Variants in CUL2 observed in about 807,000 individuals in gnomAD.
CUL2 encodes the protein cullin-2.
CUL2 carries 22 observed loss-of-function variants against 110.2 expected under a neutral mutation model. That is an observed-to-expected ratio of 0.20 (90% CI 0.14 to 0.28). CUL2 has a LOEUF of 0.28. Among genes scored for constraint, CUL2 ranks in the 10% least tolerant of loss-of-function variants. The pLI is 1.00. For synonymous variants in CUL2, 279 were observed against 293.2 expected (o/e 0.95, Z 0.49); for missense variants, 631 against 905.5 (o/e 0.70, Z 3.89).
At chr10:35,093,000 A>G (rs1462367266), upstream of CUL2, among the ~76,000 whole-genome samples, 2 of 151,976 alleles carry the variant, frequency 1.3e-5, no homozygotes, top group African/African-American at 2.4e-5. Flanking sequence ...ACAACTTTAG[A>G]TTGCTTTTTG....
intron 9 of CUL2, among the ~76,000 whole-genome samples, chr10:35,035,538 G>T (rs963476055): frequency 6.6e-6 from 1 of 152,064 alleles, no homozygotes; most frequent in Non-Finnish European, 1.5e-5. Flanking sequence ...TCTTCCCTTT[G>T]CCCCTTTTAA....
At chr10:35,041,682 C>G (rs1057441477) in intron 8 of CUL2, among the ~76,000 whole-genome samples, 13 of 152,126 alleles carry the variant, frequency 8.5e-5, no homozygotes, top group Non-Finnish European at 4.4e-5. Flanking sequence ...GACCAGACGA[C>G]TACACCACCA....
At chr10:35,100,349 G>A (rs1360263118) in intron 2 of CUL2, among the ~76,000 whole-genome samples, 1 of 152,102 alleles carries the variant, frequency 6.6e-6, no homozygotes, top group Non-Finnish European at 1.5e-5. Context: ...CATGTAACAA[G>A]TTACTCACTT....
At chr10:35,028,537 A>G (rs1395442461) in intron 16 of CUL2, among the ~76,000 whole-genome samples, 3 of 152,228 alleles carry the variant, frequency 2.0e-5, no homozygotes, top group African/African-American at 7.2e-5. Context: ...ACATTTTTAT[A>G]ATTTAAAACT....
In CUL2 at chr10:35,071,275, T is replaced by C; in HGVS notation, c.43A>G (p.Asn15Asp). ...GCTTTTATTGTCGTCAAAAGTTTGT[T>C]CCATGTTTCATCAAAATCTACTACT... ...PRVVDFDETW[N>D]KLLTTIKAVV... Residue 15 changes from asparagine (N) to aspartate (D), a missense_variant, in exon 2 of 21, where the codon AAC becomes GAC. By Grantham distance (23) the Asn-to-Asp change is conservative. Coordinates refer to ENST00000374749, the MANE Select transcript of CUL2 (RefSeq NM_003591.4). 6.2e-7 allele frequency: 1 copy of C among 1,614,042 alleles called. No individual in the cohort carries two copies. Among genetic ancestry groups the C allele is most frequent in the South Asian group, 1.1e-5 (1 of 91,084 alleles).
chr10:35,010,740 A>T (rs1003444463), intron 20 of CUL2, among the ~76,000 whole-genome samples: 4 of 152,236 alleles, frequency 2.6e-5, no homozygotes, highest in African/African-American at 9.6e-5. Flanking sequence ...TTTCCCCAGC[A>T]GCCCCTAGGC....
chr10:35,059,708 T>C (rs2086334113), intron 4 of CUL2, among the ~76,000 whole-genome samples: 1 of 152,190 alleles, frequency 6.6e-6, no homozygotes, highest in African/African-American at 2.4e-5. Context: ...TGAAATACCA[T>C]GTTTCTGGAA....
chr10:35,015,048 G>A (rs906747992), intron 18 of CUL2, among the ~76,000 whole-genome samples: 24 of 152,068 alleles, frequency 1.6e-4, no homozygotes, highest in Admixed American at 7.9e-4. Context: ...CAGAACTTTG[G>A]GAAAGACAGG....
intron 1 of CUL2, among the ~76,000 whole-genome samples, chr10:35,071,986 C>T (rs991319434): frequency 3.3e-5 from 5 of 152,154 alleles, no homozygotes; most frequent in African/African-American, 9.7e-5. Context: ...GGCCAACTTC[C>T]ATCATGGGAA....
At chr10:35,017,874 TTAAAAA>T (rs2085077142) in intron 17 of CUL2, among the ~76,000 whole-genome samples, 1 of 75,206 alleles carries the variant, frequency 1.3e-5, no homozygotes, top group Non-Finnish European at 3.4e-5. Flanking sequence ...CCATACGTGT[TTAAAAA>T]AAAAAAAAAA....
chr10:35,025,064 C>T, intron 17 of CUL2, 68 bp downstream of exon 17: 1 of 1,403,304 alleles, frequency 7.1e-7, no homozygotes, highest in Non-Finnish European at 9.3e-7. Context: ...CCATAGAAAA[C>T]CTCTTTCTAA....
chr10:35,035,237 G>C lies in CUL2; in HGVS notation c.937C>G (p.Gln313Glu), dbSNP rs890270197. 1 of 1,614,154 alleles carries C rather than the reference G, an allele frequency of 6.2e-7. No homozygotes were observed. The highest frequency in any genetic ancestry group is 8.5e-7 in the Non-Finnish European group (1 of 1,179,986). ...AVSTGLPHMI[Q>E]ELQNHIHDEG... ...TCATGGATGTGGTTTTGCAGCTCCT[G>C]AATCATATGAGGTAAACCAGTGGAC... is the stretch of plus-strand genomic sequence containing the variant. Residue 313 changes from glutamine to glutamate, a missense_variant, in exon 10 of 21, where the codon CAG becomes GAG. Physicochemically the swap from Gln to Glu is conservative, Grantham distance 29 (BLOSUM62 2). Coordinates refer to ENST00000374749, the MANE Select transcript of CUL2 (RefSeq NM_003591.4).
Position 35,031,486 on chromosome 10 carries a change from C to T in CUL2, c.1299+5G>A. ...ACAAATGAAACTTTTCTGTTCACAA[C>T]ATACCTTTTGAAAGACGTCCTTGTC... On this transcript the variant is annotated splice_donor_5th_base_variant and intron_variant, in intron 13 of 20. Transcript: ENST00000374749. The surrounding 1 kb of genome is among the most constrained non-coding windows in gnomAD (Gnocchi z 4.4). 1 of 1,613,596 alleles carries T rather than the reference C, an allele frequency of 6.2e-7. No homozygotes were observed. The highest frequency in any genetic ancestry group is 8.5e-7 in the Non-Finnish European group (1 of 1,179,674).
chr10:35,062,908 G>A (rs1364149452), intron 3 of CUL2, 52 bp downstream of exon 3: 3 of 1,036,484 alleles, frequency 2.9e-6, no homozygotes, highest in Non-Finnish European at 4.4e-6. Flanking sequence ...CAGTAAACTA[G>A]TAAAGTATAC....
intron 20 of CUL2, among the ~76,000 whole-genome samples, chr10:35,011,211 ATTTT>A (rs5784437): frequency 1.5e-5 from 2 of 133,716 alleles, no homozygotes; most frequent in African/African-American, 3.1e-5. Context: ...TAATTTTTTA[ATTTT>A]TTTTTTTTTT....
intron 2 of CUL2, among the ~76,000 whole-genome samples, chr10:35,065,182 G>A (rs1200528739): frequency 6.6e-6 from 1 of 152,058 alleles, no homozygotes; most frequent in Non-Finnish European, 1.5e-5. Context: ...GAACACCTAC[G>A]AAAATGAGAT....
At chr10:35,016,082 T>C (rs1002222712) in intron 18 of CUL2, 110 bp downstream of exon 18, 9 of 861,484 alleles carry the variant, frequency 1.0e-5, no homozygotes, top group African/African-American at 8.4e-5. Context: ...TGAATACAAG[T>C]GCTTTCCAGA....
intron 1 of CUL2, among the ~76,000 whole-genome samples, chr10:35,078,056 T>C (rs534101875): frequency 1.4e-4 from 21 of 152,166 alleles, no homozygotes; most frequent in African/African-American, 5.1e-4. Flanking sequence ...AATATTTTCA[T>C]AAATTTAGGG....
intron 2 of CUL2, among the ~76,000 whole-genome samples, chr10:35,096,999 G>A (rs1218168472): frequency 2.0e-5 from 3 of 151,824 alleles, no homozygotes; most frequent in East Asian, 1.9e-4. Context: ...TCGTAGAGAC[G>A]GGGTTTCACC....
Sources: gnomAD v4.1 joint callset for allele counts (sites outside exome capture counted in the v4.1 genomes callset) on GRCh38, gnomAD v4.1.1 for gene constraint, Gnocchi (gnomAD v3.1) non-coding constraint, MANE v1.5 for transcripts, NCBI Gene and HGNC (gene_info 2026-07-23, HGNC 2026-07-21) for gene names.